STXBP5L: variants seen among roughly 807,000 people sequenced by gnomAD.
The protein encoded by STXBP5L is syntaxin-binding protein 5-like.
A neutral mutation model predicts 144.5 loss-of-function variants in STXBP5L; 65 were observed. The observed-to-expected ratio is 0.45, with a 90% CI of 0.37 to 0.55. The LOEUF is 0.55. Among genes scored for constraint, STXBP5L ranks in the 20% least tolerant of loss-of-function variants. STXBP5L has a pLI of 0.00. For missense variants in STXBP5L, 1,298 were observed against 1,405.5 expected (o/e 0.92, Z 1.22); for synonymous variants, 505 against 469.6 (o/e 1.08, Z -0.97).
chr3:121,024,367 C>T (rs1945778649), intron 3 of STXBP5L, among the ~76,000 whole-genome samples: 1 of 152,096 alleles, frequency 6.6e-6, no homozygotes, highest in Non-Finnish European at 1.5e-5. Flanking sequence ...AGTGGCTTTA[C>T]TTTAGGAATT....
intron 5 of STXBP5L, among the ~76,000 whole-genome samples, chr3:121,058,170 C>G (rs1223100025): frequency 6.6e-6 from 1 of 152,178 alleles, no homozygotes; most frequent in African/African-American, 2.4e-5. Context: ...ATTCCCCTCC[C>G]TGTGTCCATG....
intron 10 of STXBP5L, among the ~76,000 whole-genome samples, chr3:121,208,305 G>A (rs1323564612): frequency 6.9e-6 from 1 of 145,340 alleles, no homozygotes; most frequent in African/African-American, 2.5e-5. Context: ...GACCCAGGAA[G>A]GGGAACATCA....
At chr3:121,026,351 C>T (rs774090090) in intron 3 of STXBP5L, among the ~76,000 whole-genome samples, 11 of 152,086 alleles carry the variant, frequency 7.2e-5, no homozygotes, top group African/African-American at 2.4e-4. Context: ...ACTAACAGAG[C>T]CTTTCCTTAA....
intron 2 of STXBP5L, among the ~76,000 whole-genome samples, chr3:120,952,490 G>A (rs1165337567): frequency 2.0e-5 from 3 of 151,818 alleles, no homozygotes; most frequent in South Asian, 2.1e-4. Context: ...TAGTATGCAG[G>A]AATACAATTG....
At chr3:121,337,907 A>T (rs755490434) in intron 20 of STXBP5L, among the ~76,000 whole-genome samples, 2 of 152,174 alleles carry the variant, frequency 1.3e-5, no homozygotes, top group Non-Finnish European at 2.9e-5. Context: ...CAAAAGGAAC[A>T]CTCAAAACTA....
chr3:121,199,880 T>C (rs2108207898), intron 9 of STXBP5L, among the ~76,000 whole-genome samples: 1 of 152,314 alleles, frequency 6.6e-6, no homozygotes, highest in East Asian at 1.9e-4. Flanking sequence ...CTGGATTTGG[T>C]CTGCCAGTAT....
chr3:121,273,346 G>A (rs1157266209), intron 18 of STXBP5L, among the ~76,000 whole-genome samples: 2 of 150,858 alleles, frequency 1.3e-5, no homozygotes, highest in Non-Finnish European at 3.0e-5. Context: ...CCCATTCTCT[G>A]GTGCTGTATG....
At chr3:120,951,176 A>G (rs919367296) in intron 2 of STXBP5L, among the ~76,000 whole-genome samples, 5 of 152,032 alleles carry the variant, frequency 3.3e-5, no homozygotes, top group African/African-American at 7.2e-5. Flanking sequence ...AGACTTAAAC[A>G]TTAGACCTAA....
intron 9 of STXBP5L, among the ~76,000 whole-genome samples, chr3:121,196,557 G>T (rs1257508298): frequency 2.6e-5 from 4 of 151,846 alleles, no homozygotes; most frequent in Non-Finnish European, 5.9e-5. Context: ...ATTAATTTGT[G>T]CTATAATCTT....
Position 121,381,378 on chromosome 3 carries a change from A to C in STXBP5L, c.2433A>C (p.Leu811=). The C allele has an allele frequency of 6.2e-7, 1 of 1,611,294 alleles. No individual in the cohort carries two copies. The highest frequency in any genetic ancestry group is 8.5e-7 in the Non-Finnish European group (1 of 1,178,962). Reference sequence around the variant, plus strand: ...ATTCTAAAGAAGCAATTACAGCACTATACTTCATGGACTCCTTTGCACGGA... The same window carrying C: ...ATTCTAAAGAAGCAATTACAGCACTCTACTTCATGGACTCCTTTGCACGGA... ...DKDSKEAITA[L]YFMDSFARKN... is the part of the protein sequence containing the mutation. The change falls in exon 22 of 27, where the codon CTA becomes CTC. Residue 811 remains leucine (L), a synonymous_variant. Coordinates refer to ENST00000471454, the MANE Select transcript of STXBP5L (RefSeq NM_001308330.2).
At chr3:121,053,808 A>G (rs1481443313) in intron 5 of STXBP5L, among the ~76,000 whole-genome samples, 4 of 152,172 alleles carry the variant, frequency 2.6e-5, no homozygotes, top group Admixed American at 2.6e-4. Context: ...GGCAACCTAC[A>G]AAATGGGAGA....
intron 2 of STXBP5L, among the ~76,000 whole-genome samples, chr3:120,934,823 A>C (rs9855953): frequency 0.099 from 15,075 of 151,742 alleles, 1,175 homozygotes; most frequent in Admixed American, 0.2. Context: ...CACCTGTTTT[A>C]TTTTAATTAG....
intron 20 of STXBP5L, among the ~76,000 whole-genome samples, chr3:121,374,338 T>A (rs2046120112): frequency 6.6e-6 from 1 of 152,114 alleles, no homozygotes; most frequent in Admixed American, 6.5e-5. Flanking sequence ...TTTATAAAAT[T>A]GGGAAAAGTG....
At chr3:121,179,731 TA>T (rs1301419355) in intron 9 of STXBP5L, among the ~76,000 whole-genome samples, 1 of 151,946 alleles carries the variant, frequency 6.6e-6, no homozygotes, top group East Asian at 1.9e-4. Flanking sequence ...ATAGATATCA[TA>T]AAGAAAAAAC....
intron 20 of STXBP5L, among the ~76,000 whole-genome samples, chr3:121,325,835 T>A (rs1273791318): frequency 6.6e-6 from 1 of 152,000 alleles, no homozygotes; most frequent in Admixed American, 6.6e-5. Context: ...ATTATTGTTC[T>A]TATTTTGTAT....
At chr3:121,090,092 G>T (rs1372227700) in intron 5 of STXBP5L, among the ~76,000 whole-genome samples, 1 of 151,948 alleles carries the variant, frequency 6.6e-6, no homozygotes, top group African/African-American at 2.4e-5. Context: ...CATTCAAATT[G>T]AGGTTTTTCT....
chr3:121,404,294 T>C (rs1397688965), intron 22 of STXBP5L, among the ~76,000 whole-genome samples: 1 of 152,056 alleles, frequency 6.6e-6, no homozygotes, highest in Non-Finnish European at 1.5e-5. Flanking sequence ...GGCACAACCT[T>C]TACAATACAC....
chr3:121,198,989 A>G (rs1231487578), intron 9 of STXBP5L, among the ~76,000 whole-genome samples: 1 of 152,108 alleles, frequency 6.6e-6, no homozygotes, highest in Non-Finnish European at 1.5e-5. Flanking sequence ...GTTCCATATG[A>G]AATTTAAAGT....
chr3:121,296,588 T>C (rs759238046), intron 19 of STXBP5L, among the ~76,000 whole-genome samples: 2 of 152,184 alleles, frequency 1.3e-5, no homozygotes, highest in Non-Finnish European at 2.9e-5. Context: ...ATTAACTGAA[T>C]GCCAGACAGA....
Sources: gnomAD v4.1 joint callset for allele counts (sites outside exome capture counted in the v4.1 genomes callset) on GRCh38, gnomAD v4.1.1 for gene constraint, MANE v1.5 for transcripts, NCBI Gene and HGNC (gene_info 2026-07-23, HGNC 2026-07-21) for gene names.